Variants in GAGE1 observed in about 807,000 individuals in gnomAD.
GAGE1 encodes the protein G antigen 1.
In GAGE1, 5 loss-of-function variants were observed where a neutral mutation model predicts 5.0. That is an observed-to-expected ratio of 1.00 (90% confidence interval 0.52 to 2.11). The LOEUF is 2.11. Among genes scored for constraint, GAGE1 ranks in the 30% most tolerant of loss-of-function variants. The probability of loss-of-function intolerance (pLI) is 0.01; values close to 1 mark genes in which losing one functional copy is unlikely to be tolerated. For missense variants in GAGE1, 9 were observed against 38.9 expected (o/e 0.23, Z 2.04); for synonymous variants, 6 against 14.8 (o/e 0.40, Z 1.37).
chrX:49,604,953 A>G (rs1259096637), intron 4 of GAGE1: 9 of 637,449 alleles, frequency 1.4e-5, no homozygotes, highest in Admixed American at 8.6e-5. Flanking sequence ...AACTACATGC[A>G]CAAGCCAACG....
At chrX:49,604,050 G>T (rs1295190479) in intron 4 of GAGE1, among the ~76,000 whole-genome samples, 1 of 112,423 alleles carries the variant, frequency 8.9e-6, no homozygotes, top group South Asian at 3.7e-4. Flanking sequence ...ACAGGGTTTC[G>T]TTATGTTGCA....
At chrX:49,604,976 A>ATT in intron 4 of GAGE1, 1 of 814,379 alleles carries the variant, frequency 1.2e-6, no homozygotes, top group Non-Finnish European at 1.7e-6. Flanking sequence ...CCTGAGTAAA[A>ATT]TTTTTTTTTT....
At chrX:49,604,086 C>G (rs2066633920) in intron 4 of GAGE1, among the ~76,000 whole-genome samples, 1 of 112,873 alleles carries the variant, frequency 8.9e-6, no homozygotes, top group South Asian at 3.7e-4. Context: ...CTCCTGACCT[C>G]AGGTGATCCA....
At chrX:49,605,285 G>A (rs2066649435) in intron 4 of GAGE1, 2 of 586,818 alleles carry the variant, frequency 3.4e-6, no homozygotes, top group African/African-American at 2.4e-5. Context: ...CATATCAAAT[G>A]TTACATGTAA....
chrX:49,605,212 G>T, intron 4 of GAGE1: 2 of 760,989 alleles, frequency 2.6e-6, no homozygotes, highest in Non-Finnish European at 3.5e-6. Flanking sequence ...CCCACTGTCA[G>T]TCTTGATGAG....
chrX:49,604,533 G>A (rs1390129899), intron 4 of GAGE1, among the ~76,000 whole-genome samples: 1 of 112,107 alleles, frequency 8.9e-6, no homozygotes, highest in African/African-American at 3.2e-5. Context: ...AAAATAGTGA[G>A]TTTAAGTCAG....
intron 3 of GAGE1, among the ~76,000 whole-genome samples, chrX:49,602,099 C>T (rs2066612517): frequency 9.1e-6 from 1 of 110,374 alleles, no homozygotes; most frequent in South Asian, 3.8e-4. Context: ...TTGCTTGAGT[C>T]CTGGAGTTCA....
intron 4 of GAGE1, among the ~76,000 whole-genome samples, chrX:49,605,524 A>G (rs188336567): frequency 5.1e-3 from 575 of 112,313 alleles, no homozygotes; most frequent in Middle Eastern, 9.2e-3. Flanking sequence ...TCAATTGGAT[A>G]TACGACAGAG....
intron 4 of GAGE1, chrX:49,604,962 C>G (rs1218586723): frequency 1.1e-5 from 8 of 725,721 alleles, no homozygotes; most frequent in South Asian, 2.2e-5. Context: ...CACAAGCCAA[C>G]GTACCTGAGT....
Position 49,606,083 on chromosome X carries a change from T to A in GAGE1, c.*68T>A. The A allele has an allele frequency of 1.3e-6, 1 of 762,902 alleles. No homozygotes were observed. The highest frequency in any genetic ancestry group is 3.7e-5 in the East Asian group (1 of 27,241). The allele number at this position is 762,902 out of a possible 1,213,427, so 62.9% of individuals were successfully genotyped here. A position where few individuals can be genotyped will look rare whatever the true frequency, so the allele number is the denominator to read the frequency against. On this transcript the variant is annotated 3_prime_UTR_variant, in exon 5 of 5. Coordinates refer to ENST00000381700, the MANE Select transcript of GAGE1 (RefSeq NM_001040663.4). ...AAATTCTTCATTGAAGTTCTCCCAA[T>A]AAAGCTTTACAGCCTTCTGCAAAGA...
chrX:49,602,534 C>T (rs1388471001), intron 3 of GAGE1, among the ~76,000 whole-genome samples: 2 of 78,826 alleles, frequency 2.5e-5, no homozygotes, highest in Non-Finnish European at 6.4e-5. Context: ...CTCTTCCCTC[C>T]GTCTCTTACC....
chrX:49,604,534 T>C (rs1161489508), intron 4 of GAGE1, among the ~76,000 whole-genome samples: 1 of 112,093 alleles, frequency 8.9e-6, no homozygotes, highest in Non-Finnish European at 1.9e-5. Flanking sequence ...AAATAGTGAG[T>C]TTAAGTCAGA....
chrX:49,606,077 TC>T lies in GAGE1; in HGVS notation c.*65del. Reference sequence around the variant, plus strand: ...GTTGGAAAATTCTTCATTGAAGTTCTCCCAATAAAGCTTTACAGCCTTCTGC... The same window carrying T: ...GTTGGAAAATTCTTCATTGAAGTTCTCCAATAAAGCTTTACAGCCTTCTGC... On this transcript the variant is annotated 3_prime_UTR_variant, in exon 5 of 5. Transcript: ENST00000381700. 1 of 812,581 alleles carries T rather than the reference TC, an allele frequency of 1.2e-6. No homozygotes were observed. The highest frequency in any genetic ancestry group is 1.7e-6 in the Non-Finnish European group (1 of 593,676). The allele number at this position is 812,581 out of a possible 1,213,427, so 67.0% of individuals were successfully genotyped here.
chrX:49,604,857 G>T (rs1310315590), intron 4 of GAGE1: 1 of 233,105 alleles, frequency 4.3e-6, no homozygotes, highest in Non-Finnish European at 8.1e-6. Context: ...ACCCAGGGTG[G>T]AGTGCAGTGG....
intron 4 of GAGE1, among the ~76,000 whole-genome samples, chrX:49,604,042 A>C (rs1557131547): frequency 2.7e-5 from 3 of 112,580 alleles, no homozygotes; most frequent in Admixed American, 1.9e-4. Flanking sequence ...TAGTAGAGAC[A>C]GGGTTTCGTT....
At chrX:49,602,563 C>G (rs2066617326) in intron 3 of GAGE1, among the ~76,000 whole-genome samples, 1 of 77,159 alleles carries the variant, frequency 1.3e-5, no homozygotes, top group Admixed American at 1.4e-4. Context: ...CACACACTCA[C>G]ACACACACAC....
Position 49,606,039 on chromosome X carries a change from A to T in GAGE1, c.*24A>T, listed in dbSNP as rs2066657485. Reference sequence around the variant, plus strand: ...AAAAGAAGACATGCTGAAATGTTGCAGGCTGCTCCTATGTTGGAAAATTCT... The same window carrying T: ...AAAAGAAGACATGCTGAAATGTTGCTGGCTGCTCCTATGTTGGAAAATTCT... On this transcript the variant is annotated 3_prime_UTR_variant, in exon 5 of 5. Coordinates refer to ENST00000381700, the MANE Select transcript of GAGE1 (RefSeq NM_001040663.4). 11 of 1,035,360 alleles carry T rather than the reference A, an allele frequency of 1.1e-5. No homozygotes were observed. Among genetic ancestry groups the T allele is most frequent in the Admixed American group, 3.4e-5 (1 of 29,374 alleles). 85.3% of individuals were successfully genotyped at this position (1,035,360 alleles called of 1,213,427 possible).
At chrX:49,605,091 C>T in intron 4 of GAGE1, 3 of 1,018,336 alleles carry the variant, frequency 2.9e-6, no homozygotes, top group African/African-American at 1.9e-5. Flanking sequence ...CCTTGAGTGA[C>T]TGAAATATCA....
intron 4 of GAGE1, chrX:49,605,148 A>C (rs1428027393): frequency 4.0e-6 from 4 of 1,003,059 alleles, no homozygotes; most frequent in Non-Finnish European, 5.2e-6. Flanking sequence ...CATGTAAGTC[A>C]GTGATGCTCA....
Sources: allele counts gnomAD v4.1 joint callset (sites outside exome capture counted in the v4.1 genomes callset), GRCh38; gene constraint gnomAD v4.1.1; transcripts MANE v1.5; gene names NCBI Gene and HGNC (gene_info 2026-07-23, HGNC 2026-07-21).